The following GPC5 variants were observed in gnomAD, a reference collection of about 807,000 sequenced individuals.
GPC5 encodes glypican-5.
GPC5 carries 47 observed loss-of-function variants against 53.9 expected under a neutral mutation model. The observed-to-expected ratio is 0.87, with a 90% CI of 0.69 to 1.11. GPC5 has a LOEUF of 1.11. GPC5 is among the 50% of genes most tolerant of loss of function. GPC5 has a pLI of 0.00. For missense variants in GPC5, 748 were observed against 713.1 expected (o/e 1.05, Z -0.56); for synonymous variants, 286 against 263.3 (o/e 1.09, Z -0.84).
At chr13:92,649,858 T>G (rs1300214676) in intron 7 of GPC5, among the ~76,000 whole-genome samples, 1 of 152,186 alleles carries the variant, frequency 6.6e-6, no homozygotes, top group Non-Finnish European at 1.5e-5. Flanking sequence ...GACTTTAGTT[T>G]ATGATTATTG....
chr13:91,905,783 G>C (rs147278780), intron 5 of GPC5, among the ~76,000 whole-genome samples: 2 of 152,166 alleles, frequency 1.3e-5, no homozygotes, highest in Admixed American at 1.3e-4. Context: ...CAAATATAGG[G>C]AAGGAAAGTT....
intron 7 of GPC5, among the ~76,000 whole-genome samples, chr13:92,487,016 T>C (rs1284583496): frequency 6.6e-6 from 1 of 152,026 alleles, no homozygotes; most frequent in African/African-American, 2.4e-5. Context: ...CCATCATGCC[T>C]GGCTAATTTT....
intron 7 of GPC5, among the ~76,000 whole-genome samples, chr13:92,796,201 T>C (rs1045282185): frequency 1.3e-5 from 2 of 152,122 alleles, no homozygotes. Flanking sequence ...GATGAGTTCA[T>C]GTCCTTTGCA....
chr13:91,868,025 A>G (rs1174388810), intron 5 of GPC5, among the ~76,000 whole-genome samples: 1 of 152,218 alleles, frequency 6.6e-6, no homozygotes, highest in African/African-American at 2.4e-5. Context: ...AGTTTTATAG[A>G]TACAGGAAAA....
intron 7 of GPC5, among the ~76,000 whole-genome samples, chr13:92,606,088 T>G (rs1203755068): frequency 6.6e-6 from 1 of 152,106 alleles, no homozygotes; most frequent in African/African-American, 2.4e-5. Context: ...TTATCTTTCT[T>G]TTTTTTATTA....
intron 2 of GPC5, among the ~76,000 whole-genome samples, chr13:91,515,324 A>C (rs184838586): frequency 6.6e-6 from 1 of 152,324 alleles, no homozygotes; most frequent in East Asian, 1.9e-4. Flanking sequence ...AACTTCAAAA[A>C]ACTAAATGTA....
At chr13:92,678,898 A>G (rs1470144103) in intron 7 of GPC5, among the ~76,000 whole-genome samples, 1 of 152,192 alleles carries the variant, frequency 6.6e-6, no homozygotes, top group East Asian at 1.9e-4. Context: ...ATATTTTTAA[A>G]GTAGAGTTGA....
chr13:92,778,442 C>A (rs1361315807), intron 7 of GPC5, among the ~76,000 whole-genome samples: 1 of 152,138 alleles, frequency 6.6e-6, no homozygotes, highest in Admixed American at 6.6e-5. Context: ...TAATTAAATT[C>A]TTGTCTTTAT....
chr13:92,476,727 A>G (rs1594234811), intron 7 of GPC5, among the ~76,000 whole-genome samples: 2 of 149,402 alleles, frequency 1.3e-5, no homozygotes, highest in Non-Finnish European at 3.0e-5. Context: ...AAAAATGATG[A>G]GTTCATGTCC....
At chr13:92,141,349 G>T (rs1337816947) in intron 6 of GPC5, among the ~76,000 whole-genome samples, 3 of 152,122 alleles carry the variant, frequency 2.0e-5, no homozygotes. Context: ...TGGGATCCTG[G>T]ATATATCTGA....
Position 91,431,294 on chromosome 13 carries a change from C to T in GPC5, c.164-17467C>T, listed in dbSNP as rs570460840. Among the ~76,000 whole-genome samples the T allele has an allele frequency of 5.8e-4, 88 of 152,282 alleles. 1 individual carries two copies. In the Middle Eastern group the frequency reaches 0.017, roughly 29 times the overall value. ...TGTACTCAAAACCACTCTGCCTCCC[C>T]ATCCACGATTTCTACATCTGGTTTA... On this transcript the variant is annotated intron_variant, in intron 1 of 7. Coordinates refer to ENST00000377067, the MANE Select transcript of GPC5 (RefSeq NM_004466.6).
In GPC5 at chr13:92,603,816, C is replaced by A. The variant is rs75479314; in HGVS notation, c.1562-262466C>A. 6.3e-3 allele frequency among the ~76,000 whole-genome samples: 954 copies of A among 152,214 alleles called. 12 individuals carry two copies. Among genetic ancestry groups the A allele is most frequent in the African/African-American group, 0.022 (909 of 41,528 alleles). ...TTTTGTGCCATCATTCAATAAATTG[C>A]CATCTTCTCCATAGCCAAAACTACA... On this transcript the variant is annotated intron_variant, in intron 7 of 7. Coordinates refer to ENST00000377067, the MANE Select transcript of GPC5 (RefSeq NM_004466.6).
At chr13:92,749,856 T>G (rs1371033365) in intron 7 of GPC5, among the ~76,000 whole-genome samples, 4 of 152,148 alleles carry the variant, frequency 2.6e-5, no homozygotes, top group African/African-American at 9.6e-5. Flanking sequence ...TGGTCATGAA[T>G]GAACAAAATA....
chr13:92,217,321 G>A (rs2042417894), intron 7 of GPC5, among the ~76,000 whole-genome samples: 1 of 152,120 alleles, frequency 6.6e-6, no homozygotes, highest in South Asian at 2.1e-4. Flanking sequence ...ACACTTCCTT[G>A]TAAAATCCAG....
At chr13:91,675,670 T>C (rs1224954412) in intron 2 of GPC5, among the ~76,000 whole-genome samples, 1 of 152,284 alleles carries the variant, frequency 6.6e-6, no homozygotes, top group East Asian at 1.9e-4. Context: ...ACTTCCTGTG[T>C]AGGATGGGGT....
intron 5 of GPC5, among the ~76,000 whole-genome samples, chr13:91,848,660 G>A (rs1178483670): frequency 6.6e-6 from 1 of 152,158 alleles, no homozygotes; most frequent in African/African-American, 2.4e-5. Flanking sequence ...TATATCTGTT[G>A]TTAACTATAT....
chr13:92,294,139 C>G (rs1157779977), intron 7 of GPC5, among the ~76,000 whole-genome samples: 1 of 151,990 alleles, frequency 6.6e-6, no homozygotes, highest in Admixed American at 6.6e-5. Context: ...TCAGGGATAT[C>G]AGTCTGTAGT....
chr13:92,364,692 T>G (rs893248468), intron 7 of GPC5, among the ~76,000 whole-genome samples: 3 of 151,716 alleles, frequency 2.0e-5, no homozygotes, highest in African/African-American at 7.3e-5. Context: ...ATCGCGCCAC[T>G]GCACTCCAGT....
At chr13:92,382,407 C>T (rs757682231) in intron 7 of GPC5, among the ~76,000 whole-genome samples, 7 of 152,016 alleles carry the variant, frequency 4.6e-5, no homozygotes, top group Non-Finnish European at 1.0e-4. Context: ...CGCATCTGTT[C>T]TATAATGTGA....
Sources: gnomAD v4.1 joint callset for allele counts (sites outside exome capture counted in the v4.1 genomes callset) on GRCh38, gnomAD v4.1.1 for gene constraint, MANE v1.5 for transcripts, NCBI Gene and HGNC (gene_info 2026-07-23, HGNC 2026-07-21) for gene names.